The following PTPRD variants were observed in gnomAD, a reference collection of about 807,000 sequenced individuals.
The protein encoded by PTPRD is protein tyrosine phosphatase receptor type D, also known as receptor-type tyrosine-protein phosphatase delta.
In PTPRD, 34 loss-of-function variants were observed where a neutral mutation model predicts 214.5. The observed-to-expected ratio is 0.16, with a 90% confidence interval of 0.12 to 0.21. The LOEUF is 0.21. Ranked by LOEUF, PTPRD falls within the 10% of genes least tolerant of loss-of-function variation. The probability of loss-of-function intolerance (pLI) is 1.00; values close to 1 mark genes in which losing one functional copy is unlikely to be tolerated. For synonymous variants in PTPRD, 1,128 were observed against 845.7 expected (o/e 1.33, Z -5.79); for missense variants, 2,545 against 2,398.7 (o/e 1.06, Z -1.27).
chr9:8,670,295 A>C (rs1565152645), intron 12 of PTPRD, among the ~76,000 whole-genome samples: 1 of 152,160 alleles, frequency 6.6e-6, no homozygotes, highest in East Asian at 1.9e-4. Context: ...CTTGACCTAT[A>C]TCTCCCATTT....
At chr9:9,499,201 T>C (rs1158555874) in intron 8 of PTPRD, among the ~76,000 whole-genome samples, 1 of 152,166 alleles carries the variant, frequency 6.6e-6, no homozygotes, top group Non-Finnish European at 1.5e-5. Flanking sequence ...TTTCATCATG[T>C]TGATAAAAAC....
rs77261378 is a variant in PTPRD at position 8,363,231 on chromosome 9, C to T, written c.4661+12705G>A. Among the ~76,000 whole-genome samples, 1,030 of 152,256 alleles carry T rather than the reference C, an allele frequency of 6.8e-3. 6 individuals carry two copies. The highest frequency in any genetic ancestry group is 0.011 in the Non-Finnish European group (760 of 68,020). ...ATCTTCTGCATTCATTTACAGTATT[C>T]ACTCTTAGCTTGGAGGACAGTATAA... On this transcript the variant is annotated intron_variant, in intron 39 of 45. Transcript: ENST00000381196.
At position 9,422,198 on chromosome 9, in the gene PTPRD, T is replaced by C. The variant is rs530739019; in HGVS notation, c.-236-24716A>G. Among the ~76,000 whole-genome samples the C allele has an allele frequency of 8.5e-5, 13 of 152,222 alleles. No individual in the cohort carries two copies. In the East Asian group the frequency reaches 2.5e-3, roughly 29 times the overall value. The stretch of plus-strand genomic sequence containing the variant: ...AGATAAGTACAATTATTATCTTTAT[T>C]TTAAAGATGAGAAAGCTGAGACACG... On this transcript the variant is annotated intron_variant, in intron 8 of 45. Coordinates refer to ENST00000381196, the MANE Select transcript of PTPRD (RefSeq NM_002839.4).
At chr9:9,788,680 A>C (rs1343909661) in intron 5 of PTPRD, among the ~76,000 whole-genome samples, 1 of 152,176 alleles carries the variant, frequency 6.6e-6, no homozygotes, top group Non-Finnish European at 1.5e-5. Flanking sequence ...AAAAATGTTT[A>C]AAGGGGGAGA....
chr9:10,489,612 G>C (rs899581733), intron 2 of PTPRD, among the ~76,000 whole-genome samples: 2 of 152,118 alleles, frequency 1.3e-5, no homozygotes, highest in African/African-American at 4.8e-5. Context: ...GCTGAGACTT[G>C]GGGAGACTAC....
At chr9:10,558,626 C>T (rs1052100156) in intron 2 of PTPRD, among the ~76,000 whole-genome samples, 4 of 152,136 alleles carry the variant, frequency 2.6e-5, no homozygotes, top group African/African-American at 9.7e-5. Flanking sequence ...ATTTATGTCA[C>T]TTTTTGTCTA....
At chr9:9,369,481 T>C in intron 9 of PTPRD, among the ~76,000 whole-genome samples, 1 of 152,166 alleles carries the variant, frequency 6.6e-6, no homozygotes, top group East Asian at 1.9e-4. Flanking sequence ...TGTAAATTTG[T>C]TGGAGTTCAT....
chr9:8,952,879 T>C (rs2099110552), intron 11 of PTPRD, among the ~76,000 whole-genome samples: 1 of 151,966 alleles, frequency 6.6e-6, no homozygotes, highest in Non-Finnish European at 1.5e-5. Flanking sequence ...AAGATTCATA[T>C]AAGCAATGAA....
intron 3 of PTPRD, among the ~76,000 whole-genome samples, chr9:10,101,390 T>C (rs2098550500): frequency 6.6e-6 from 1 of 151,652 alleles, no homozygotes; most frequent in Non-Finnish European, 1.5e-5. Context: ...ACTGCTAATA[T>C]AGTGTCATCC....
rs1023202773 is a variant in PTPRD, at chr9:10,451,240, G to T, written c.-599-110223C>A. 3.9e-5 allele frequency among the ~76,000 whole-genome samples: 6 copies of T among 151,986 alleles called. No individual in the cohort carries two copies. The South Asian group carries it at 1.2e-3, about 31-fold the overall frequency. The stretch of plus-strand genomic sequence containing the variant: ...TTGAACAAAACACTGTTTCAGGTGT[G>T]CTGGGGCCAAGCAGAGAAATAAATT... On this transcript the variant is annotated intron_variant, in intron 2 of 45. Coordinates refer to ENST00000381196, the MANE Select transcript of PTPRD (RefSeq NM_002839.4).
At chr9:10,514,629 G>C (rs1318134516) in intron 2 of PTPRD, among the ~76,000 whole-genome samples, 4 of 151,418 alleles carry the variant, frequency 2.6e-5, no homozygotes, top group African/African-American at 9.7e-5. Context: ...ACTTTTATTT[G>C]AATAGTTAAC....
At chr9:8,521,155 T>C (rs145387847) in intron 20 of PTPRD, 122 bp downstream of exon 20, 3 of 1,166,680 alleles carry the variant, frequency 2.6e-6, no homozygotes, top group East Asian at 2.5e-5. Context: ...GATTAGGTTA[T>C]ACACACATTT....
At chr9:9,461,579 A>G (rs547634396) in intron 8 of PTPRD, among the ~76,000 whole-genome samples, 102 of 152,228 alleles carry the variant, frequency 6.7e-4, no homozygotes, top group Middle Eastern at 3.4e-3. Context: ...TATTTGAACC[A>G]TCTGAAAATG....
rs902722517 is a variant in PTPRD at position 9,144,872 on chromosome 9, G to A, written c.-143+38432C>T. Among the ~76,000 whole-genome samples the A allele has an allele frequency of 7.9e-5, 12 of 152,234 alleles. No individual in the cohort carries two copies. In the South Asian group the frequency reaches 2.1e-3, roughly 26 times the overall value. On this transcript the variant is annotated intron_variant, in intron 10 of 45. Coordinates refer to ENST00000381196, the MANE Select transcript of PTPRD (RefSeq NM_002839.4). ...AAAGCAATATTGTTATTAAAATTAG[G>A]AGAAAATATTTTAATTGCATCTTTA...
intron 3 of PTPRD, among the ~76,000 whole-genome samples, chr9:10,276,337 T>C (rs1432442825): frequency 1.3e-5 from 2 of 152,200 alleles, no homozygotes. Context: ...TTGATGCCCC[T>C]ATTATTTGCC....
intron 9 of PTPRD, among the ~76,000 whole-genome samples, chr9:9,321,005 C>A (rs1032972514): frequency 6.6e-6 from 1 of 152,048 alleles, no homozygotes; most frequent in African/African-American, 2.4e-5. Flanking sequence ...CAATATGGGT[C>A]AGTGAATGTT....
chr9:8,902,555 G>C (rs1409953733), intron 11 of PTPRD, among the ~76,000 whole-genome samples: 1 of 151,898 alleles, frequency 6.6e-6, no homozygotes, highest in Non-Finnish European at 1.5e-5. Context: ...ATGTTGGCCA[G>C]GCTGGTGTTG....
intron 3 of PTPRD, among the ~76,000 whole-genome samples, chr9:10,175,384 T>C (rs1003645976): frequency 6.6e-6 from 1 of 152,054 alleles, no homozygotes; most frequent in Non-Finnish European, 1.5e-5. Flanking sequence ...AGTCTCATCC[T>C]ATCAACAAGC....
chr9:9,906,363 T>C (rs7857026), intron 5 of PTPRD, among the ~76,000 whole-genome samples: 5,819 of 152,036 alleles, frequency 0.038, 395 homozygotes, highest in African/African-American at 0.13. Context: ...CTATACTCAA[T>C]TGTTATCGTT....
Sources: gnomAD v4.1 joint callset for allele counts (sites outside exome capture counted in the v4.1 genomes callset) on GRCh38, gnomAD v4.1.1 for gene constraint, MANE v1.5 for transcripts, NCBI Gene and HGNC (gene_info 2026-07-23, HGNC 2026-07-21) for gene names.